The following MTFR1 variants were observed in gnomAD, a reference collection of about 807,000 sequenced individuals.
MTFR1 encodes the protein chondrocyte protein with a poly-proline region.
In MTFR1, 28 loss-of-function variants were observed where a neutral mutation model predicts 38.8. That is an observed-to-expected ratio of 0.72 (90% CI 0.53 to 0.99). The LOEUF is 0.99. Among genes scored for constraint, MTFR1 ranks in the 50% least tolerant of loss-of-function variants. The probability of loss-of-function intolerance (pLI) is 0.00; values close to 1 mark genes in which losing one functional copy is unlikely to be tolerated. For missense variants in MTFR1, 358 were observed against 395.5 expected, an observed-to-expected ratio of 0.91 and a Z score of 0.81; for synonymous variants, 145 against 137.0, an observed-to-expected ratio of 1.06 and a Z score of -0.41.
intron 3 of MTFR1, among the ~76,000 whole-genome samples, chr8:65,729,243 T>C (rs769650180): frequency 6.6e-5 from 10 of 152,036 alleles, no homozygotes; most frequent in Admixed American, 2.0e-4. Flanking sequence ...TTCAATAAAA[T>C]AGAAAACTAT....
At chr8:65,757,732 C>A (rs989571662) in intron 3 of MTFR1, among the ~76,000 whole-genome samples, 7 of 152,164 alleles carry the variant, frequency 4.6e-5, no homozygotes, top group Non-Finnish European at 1.0e-4. Flanking sequence ...GATTCTTCTG[C>A]CTCAGCCTCC....
intron 3 of MTFR1, chr8:65,734,813 C>T: frequency 6.3e-7 from 1 of 1,599,424 alleles, no homozygotes; most frequent in Non-Finnish European, 8.6e-7. Flanking sequence ...CTTTAAGTAA[C>T]AGTGCATGGC....
chr8:65,682,731 T>C, intron 3 of MTFR1: 1 of 982,878 alleles, frequency 1.0e-6, no homozygotes, highest in South Asian at 4.7e-5. Context: ...CTAGGTGACC[T>C]CAAACATAGG....
intron 7 of MTFR1, chr8:65,708,221 T>TTATTTTCATAGTTA: frequency 9.9e-7 from 1 of 1,008,282 alleles, no homozygotes; most frequent in Non-Finnish European, 1.4e-6. Flanking sequence ...TTTCTAACTA[T>TTATTTTCATAGTTA]GAAAATAATA....
At chr8:65,725,141 C>A (rs1806559955) in intron 3 of MTFR1, among the ~76,000 whole-genome samples, 1 of 151,864 alleles carries the variant, frequency 6.6e-6, no homozygotes, top group Non-Finnish European at 1.5e-5. Flanking sequence ...TAGGAAAATA[C>A]CAATATGCAA....
At chr8:65,725,578 A>G (rs1806575433) in intron 3 of MTFR1, 1 of 152,928 alleles carries the variant, frequency 6.5e-6, no homozygotes, top group South Asian at 2.1e-4. Context: ...ATCAATTAAC[A>G]AGATAAACAT....
intron 4 of MTFR1, among the ~76,000 whole-genome samples, chr8:65,694,072 C>G (rs375333186): frequency 9.1e-6 from 1 of 109,670 alleles, no homozygotes; most frequent in South Asian, 3.2e-4. Context: ...CTGGCTAATT[C>G]TTTTTTTTTT....
At chr8:65,704,600 CT>C (rs1585798349) in intron 4 of MTFR1, 93 bp from the exon 5 acceptor site, 12 of 967,656 alleles carry the variant, frequency 1.2e-5, no homozygotes, top group Non-Finnish European at 1.9e-5. Context: ...AAAAGAGGTT[CT>C]TGGGTGTTAA....
chr8:65,664,933 ATT>A (rs374209617), intron 1 of MTFR1, among the ~76,000 whole-genome samples: 5,398 of 125,526 alleles, frequency 0.043, 154 homozygotes, highest in Non-Finnish European at 0.063. Context: ...TTAAAAAAAA[ATT>A]TTTTTTTTTT....
downstream of MTFR1, among the ~76,000 whole-genome samples, chr8:65,712,421 A>C (rs79799939): frequency 0.016 from 2,426 of 152,288 alleles, 67 homozygotes; most frequent in African/African-American, 0.056. Context: ...CTCCCTCATG[A>C]ATTTGAGTAG....
At chr8:65,689,101 C>T (rs774033677) in intron 3 of MTFR1, among the ~76,000 whole-genome samples, 6 of 152,228 alleles carry the variant, frequency 3.9e-5, no homozygotes, top group African/African-American at 9.6e-5. Context: ...ACTGAGATTG[C>T]GCCACTGCAC....
chr8:65,686,260 T>G (rs775300296), intron 3 of MTFR1, among the ~76,000 whole-genome samples: 1 of 152,128 alleles, frequency 6.6e-6, no homozygotes, highest in Non-Finnish European at 1.5e-5. Flanking sequence ...CAGCAACAAA[T>G]AGTATGTTTT....
In MTFR1 at chr8:65,709,040, C is replaced by A. The variant is rs755576431; in HGVS notation, c.998C>A (p.Ser333Tyr). 30 of 1,613,734 alleles carry A rather than the reference C, an allele frequency of 1.9e-5. No individual in the cohort carries two copies. Among genetic ancestry groups the A allele is most frequent in the Non-Finnish European group, 2.5e-5 (29 of 1,179,792 alleles). The change falls in exon 8 of 8, where the codon TCC (serine) becomes TAC (tyrosine). Residue 333 changes from serine (S) to tyrosine (Y), a missense_variant. Coordinates refer to ENST00000262146, the MANE Select transcript of MTFR1 (RefSeq NM_014637.4). ...GCTTTAATTGAAAATGTATCAGACT[C>A]CTAATAGACAATGAGCTGCGAAAAG... ...MKALIENVSDS is the reference protein window; with the variant it reads ...MKALIENVSDY
At chr8:65,655,563 G>C (rs944902841) in intron 1 of MTFR1, among the ~76,000 whole-genome samples, 1 of 152,102 alleles carries the variant, frequency 6.6e-6, no homozygotes, top group Non-Finnish European at 1.5e-5. Flanking sequence ...TTGTTTTATA[G>C]TATGGTAAAG....
intron 3 of MTFR1, among the ~76,000 whole-genome samples, chr8:65,769,217 C>A (rs1356020213): frequency 7.0e-6 from 1 of 143,358 alleles, no homozygotes; most frequent in African/African-American, 2.6e-5. Context: ...CACTGCACTC[C>A]AGCCTAGGTG....
At chr8:65,654,064 CAAA>C (rs34665689) in intron 1 of MTFR1, among the ~76,000 whole-genome samples, 4 of 83,644 alleles carry the variant, frequency 4.8e-5, no homozygotes, top group African/African-American at 1.1e-4. Flanking sequence ...CTTTGTCTCT[CAAA>C]AAAAAAAAAA....
At chr8:65,676,831 C>T (rs1443548033) in intron 2 of MTFR1, among the ~76,000 whole-genome samples, 3 of 152,126 alleles carry the variant, frequency 2.0e-5, no homozygotes, top group Non-Finnish European at 4.4e-5. Context: ...CAGCCTCACA[C>T]GTCAACACTT....
chr8:65,746,477 C>T (rs753451814), intron 3 of MTFR1, among the ~76,000 whole-genome samples: 1 of 152,090 alleles, frequency 6.6e-6, no homozygotes, highest in Admixed American at 6.6e-5. Context: ...ACACAATTTA[C>T]TACATTAACT....
chr8:65,665,782 C>G (rs1447002791), intron 1 of MTFR1, among the ~76,000 whole-genome samples: 1 of 152,232 alleles, frequency 6.6e-6, no homozygotes, highest in Non-Finnish European at 1.5e-5. Context: ...CAACGTCACA[C>G]CCAGCTTTAC....
Sources: gnomAD v4.1 joint callset for allele counts (sites outside exome capture counted in the v4.1 genomes callset) on GRCh38, gnomAD v4.1.1 for gene constraint, MANE v1.5 for transcripts, NCBI Gene and HGNC (gene_info 2026-07-23, HGNC 2026-07-21) for gene names.